TUBG1: variants seen among roughly 807,000 people sequenced by gnomAD.
The protein encoded by TUBG1 is tubulin gamma 1.
In TUBG1, 22 loss-of-function variants were observed where a neutral mutation model predicts 53.3. That is an observed-to-expected ratio of 0.41 (90% CI 0.29 to 0.59). The LOEUF (loss-of-function observed/expected upper bound fraction) is 0.59. Ranked by LOEUF, TUBG1 falls within the 20% of genes least tolerant of loss-of-function variation. TUBG1 has a pLI of 0.26. For synonymous variants in TUBG1, 198 were observed against 236.7 expected (o/e 0.84, Z 1.50); for missense variants, 217 against 598.9 (o/e 0.36, Z 6.66).
chr17:42,614,197 G>A lies in TUBG1; in HGVS notation c.844-63G>A, dbSNP rs939950358. On this transcript the variant is annotated intron_variant, in intron 8 of 10. Coordinates refer to ENST00000251413, the MANE Select transcript of TUBG1 (RefSeq NM_001070.5). The surrounding 1 kb of genome is among the most constrained non-coding windows in gnomAD (Gnocchi z 5.1). Reference sequence around the variant, plus strand: ...CCCTCTGCCTTTGGCTTCTGCCAAAGAGAAGCCAAAGGGGGACTGTGCCCT... The same window carrying A: ...CCCTCTGCCTTTGGCTTCTGCCAAAAAGAAGCCAAAGGGGGACTGTGCCCT... 2 of 1,608,876 alleles carry A rather than the reference G, an allele frequency of 1.2e-6. No homozygotes were observed. Among genetic ancestry groups the A allele is most frequent in the Non-Finnish European group, 1.7e-6 (2 of 1,176,342 alleles).
Position 42,614,149 on chromosome 17 carries a change from C to T in TUBG1, c.844-111C>T. The stretch of plus-strand genomic sequence containing the variant: ...GGACTGGCACAGAGTGGGCGACTTT[C>T]TTGCTGACTTGCTCTCCACCCTCCC... On this transcript the variant is annotated intron_variant, in intron 8 of 10. Coordinates refer to ENST00000251413, the MANE Select transcript of TUBG1 (RefSeq NM_001070.5). This position sits in a 1 kb window ranked among gnomAD's most constrained non-coding sequence, Gnocchi z 5.1. 1 of 1,589,258 alleles carries T rather than the reference C, an allele frequency of 6.3e-7. No individual in the cohort carries two copies. The highest frequency in any genetic ancestry group is 8.6e-7 in the Non-Finnish European group (1 of 1,166,024).
intron 7 of TUBG1, 48 bp from the exon 8 acceptor site, chr17:42,613,801 G>C (rs777155943): frequency 6.2e-7 from 1 of 1,614,124 alleles, no homozygotes; most frequent in South Asian, 1.1e-5. Flanking sequence ...TTGGGGAAGG[G>C]AGGTCCCACC....
rs2052018675 is a variant in TUBG1 at position 42,610,015 on chromosome 17, C to A, written c.50-93C>A. On this transcript the variant is annotated intron_variant, in intron 1 of 10. Transcript: ENST00000251413. ...AGAGTCCTGCGGCTTGACTTCTTAT[C>A]CCTGGACGCAGGCGCCCAGTCCCCC... 4 of 1,463,592 alleles carry A rather than the reference C, an allele frequency of 2.7e-6. No homozygotes were observed. In the African/African-American group the frequency reaches 5.6e-5, roughly 20 times the overall value. 90.7% of individuals were successfully genotyped at this position (1,463,592 alleles called of 1,614,324 possible). A position where few individuals can be genotyped will look rare whatever the true frequency, so the allele number is the denominator to read the frequency against.
intron 4 of TUBG1, 115 bp downstream of exon 4, chr17:42,612,258 G>A (rs2052042154): frequency 7.5e-7 from 1 of 1,324,826 alleles, no homozygotes; most frequent in African/African-American, 1.4e-5. Context: ...CTGGACAGAA[G>A]CTATCAGGCC....
At position 42,613,866 on chromosome 17, in the gene TUBG1, A is replaced by G. The variant is rs572; in HGVS notation, c.711A>G (p.Ser237=). 5.6e-6 allele frequency: 9 copies of G among 1,614,068 alleles called. No homozygotes were observed. The highest frequency in any genetic ancestry group is 3.3e-5 in the South Asian group (3 of 91,088). ...QINQLVSTIM[S]ASTTTLRYPG... is the part of the protein sequence containing the mutation. ...GTCCCCAGGTGTCTACCATCATGTC[A>G]GCCAGCACCACCACCCTGCGCTACC... The change falls in exon 8 of 11, where the codon TCA becomes TCG. Residue 237 remains serine (S), a synonymous_variant. Transcript: ENST00000251413.
In TUBG1 at chr17:42,614,982, G is replaced by A. The variant is rs759525521; in HGVS notation, c.1297G>A (p.Asp433Asn). Reference sequence around the variant, plus strand: ...CAGGGAGATTGTGCAGCAGCTCATCGATGAGTACCATGCGGCCACACGGCC... The same window carrying A: ...CAGGGAGATTGTGCAGCAGCTCATCAATGAGTACCATGCGGCCACACGGCC... Reference protein sequence around the residue: ...TSREIVQQLIDEYHAATRPDY... With the variant: ...TSREIVQQLINEYHAATRPDY... Residue 433 changes from aspartate (D) to asparagine (N), a missense_variant, in exon 11 of 11, where the codon GAT becomes AAT. Asp to Asn is a conservative substitution (Grantham distance 23). Coordinates refer to ENST00000251413, the MANE Select transcript of TUBG1 (RefSeq NM_001070.5). The surrounding 1 kb of genome is among the most constrained non-coding windows in gnomAD (Gnocchi z 5.1). 1.2e-5 allele frequency: 20 copies of A among 1,614,056 alleles called. No homozygotes were observed. The highest frequency in any genetic ancestry group is 2.2e-5 in the East Asian group (1 of 44,886).
In TUBG1 at chr17:42,613,658, C is replaced by T. The variant is rs1200312178; in HGVS notation, c.618C>T (p.Asp206=). The change falls in exon 7 of 11, where the codon GAC becomes GAT. Residue 206 remains aspartate, a synonymous_variant. Transcript: ENST00000251413. ...TTCTGTCCCCCCAGGTGGTGCTGGA[C>T]AACACAGCCCTGAACCGGATTGCCA... The part of the protein sequence containing the change: ...TQNADCVVVL[D]NTALNRIATD... 4 of 1,613,978 alleles carry T rather than the reference C, an allele frequency of 2.5e-6. No homozygotes were observed. The highest frequency in any genetic ancestry group is 1.3e-5 in the African/African-American group (1 of 74,878).
Position 42,614,443 on chromosome 17 carries a change from GACC to G in TUBG1, c.996+32_996+34del. 8 of 1,614,134 alleles carry G rather than the reference GACC, an allele frequency of 5.0e-6. No homozygotes were observed. The highest frequency in any genetic ancestry group is 6.8e-6 in the Non-Finnish European group (8 of 1,180,002). On this transcript the variant is annotated intron_variant, in intron 9 of 10. Coordinates refer to ENST00000251413, the MANE Select transcript of TUBG1 (RefSeq NM_001070.5). The surrounding 1 kb of genome is among the most constrained non-coding windows in gnomAD (Gnocchi z 5.1). ...GGAGGCCCCTTCATCCCACACCCTG[GACC>G]TGCAGGGGTAGAGGAGAGGCCACCT...
chr17:42,614,754 G>T lies in TUBG1; in HGVS notation c.1159-90G>T. On this transcript the variant is annotated intron_variant, in intron 10 of 10. Coordinates refer to ENST00000251413, the MANE Select transcript of TUBG1 (RefSeq NM_001070.5). This position sits in a 1 kb window ranked among gnomAD's most constrained non-coding sequence, Gnocchi z 5.1. ...TGGCCCTGCTTCTAGCTTTTTTGCT[G>T]TGGGCATAGCCCAGCCTTGGTTCCC... is the stretch of plus-strand genomic sequence containing the variant. 1.2e-6 allele frequency: 2 copies of T among 1,603,354 alleles called. No individual in the cohort carries two copies. Among genetic ancestry groups the T allele is most frequent in the Admixed American group, 1.7e-5 (1 of 58,534 alleles).
Position 42,613,069 on chromosome 17 carries a change from G to C in TUBG1, c.602G>C (p.Cys201Ser). ...AAGAGGCTGACGCAGAATGCAGACT[G>C]TGTGGTGAGTCCTGGATTCTACCTC... ...TLKRLTQNAD[C>S]VVVLDNTALN... The change falls in exon 6 of 11, where the codon TGT becomes TCT. Residue 201 changes from cysteine to serine, a missense_variant. By Grantham distance (112) the Cys-to-Ser change is moderately radical. Coordinates refer to ENST00000251413, the MANE Select transcript of TUBG1 (RefSeq NM_001070.5). 1 of 1,613,996 alleles carries C rather than the reference G, an allele frequency of 6.2e-7. No homozygotes were observed. The highest frequency in any genetic ancestry group is 8.5e-7 in the Non-Finnish European group (1 of 1,179,934).
intron 3 of TUBG1, among the ~76,000 whole-genome samples, chr17:42,611,461 T>G (rs1281336029): frequency 2.0e-5 from 3 of 152,176 alleles, no homozygotes; most frequent in Non-Finnish European, 2.9e-5. Context: ...GCCCCAACAC[T>G]GTTAGATAAG....
chr17:42,613,626 G>T lies in TUBG1; in HGVS notation c.607-21G>T, dbSNP rs774734652. The T allele has an allele frequency of 3.7e-6, 6 of 1,614,080 alleles. No homozygotes were observed. The East Asian group carries it at 1.3e-4, about 36-fold the overall frequency. ...GTTTTTCTTATCCCCATTGATCTGT[G>T]ATCCTCTTCTGTCCCCCCAGGTGGT... is the stretch of plus-strand genomic sequence containing the variant. On this transcript the variant is annotated intron_variant, in intron 6 of 10. Coordinates refer to ENST00000251413, the MANE Select transcript of TUBG1 (RefSeq NM_001070.5).
rs763311251 is a variant in TUBG1, at chr17:42,612,906, C to T, written c.480-41C>T. On this transcript the variant is annotated intron_variant, in intron 5 of 10. Coordinates refer to ENST00000251413, the MANE Select transcript of TUBG1 (RefSeq NM_001070.5). ...TTAGGGAGCGCCATGTTCACCAGGC[C>T]TTCGGTCTGTTGCCCTGATCCTTTC... 6.8e-6 allele frequency: 11 copies of T among 1,610,988 alleles called. No homozygotes were observed. The Admixed American group carries it at 1.7e-4, about 25-fold the overall frequency.
Position 42,610,568 on chromosome 17 carries a change from A to G in TUBG1, c.308A>G (p.Asn103Ser). Residue 103 changes from asparagine (N) to serine (S), a missense_variant, in exon 3 of 11, where the codon AAC (asparagine) becomes AGC (serine). Coordinates refer to ENST00000251413, the MANE Select transcript of TUBG1 (RefSeq NM_001070.5). ...GAACATGGAGGAGGAGCTGGCAACA[A>G]CTGGGCCAGCGGATTCTCCCAGGTC... ...LSEHGGGAGN[N>S]WASGFSQGEK... 6.2e-7 allele frequency: 1 copy of G among 1,614,152 alleles called. No individual in the cohort carries two copies.
rs144836734 is a variant in TUBG1 at position 42,611,604 on chromosome 17, C to G, written c.331-471C>G. ...GGCGTGGTGGCTCACGCCTGTAATC[C>G]TAGCACTTTGGGAGGCCAAGGCAGG... On this transcript the variant is annotated intron_variant, in intron 3 of 10. Transcript: ENST00000251413. Among the ~76,000 whole-genome samples, 45 of 152,258 alleles carry G rather than the reference C, an allele frequency of 3.0e-4. 1 individual carries two copies. The East Asian group carries it at 8.7e-3, about 30-fold the overall frequency.
rs2052058660 is a variant in TUBG1 at position 42,614,219 on chromosome 17, C to T, written c.844-41C>T. 2 of 1,613,218 alleles carry T rather than the reference C, an allele frequency of 1.2e-6. No homozygotes were observed. The highest frequency in any genetic ancestry group is 3.3e-5 in the Admixed American group (2 of 59,974). ...AAAGAGAAGCCAAAGGGGGACTGTG[C>T]CCTGAGCGCTGGCCGGGTCCCTGTC... On this transcript the variant is annotated intron_variant, in intron 8 of 10. Coordinates refer to ENST00000251413, the MANE Select transcript of TUBG1 (RefSeq NM_001070.5). The surrounding 1 kb of genome is among the most constrained non-coding windows in gnomAD (Gnocchi z 5.1).
Position 42,612,927 on chromosome 17 carries a change from C to A in TUBG1, c.480-20C>A, listed in dbSNP as rs560788809. On this transcript the variant is annotated intron_variant, in intron 5 of 10. Coordinates refer to ENST00000251413, the MANE Select transcript of TUBG1 (RefSeq NM_001070.5). ...AGGCCTTCGGTCTGTTGCCCTGATC[C>A]TTTCCCCAACCCCCACCAGGTATCC... The A allele has an allele frequency of 6.2e-7, 1 of 1,613,586 alleles. No homozygotes were observed. Among genetic ancestry groups the A allele is most frequent in the African/African-American group, 1.3e-5 (1 of 75,026 alleles).
intron 3 of TUBG1, 73 bp from the exon 4 acceptor site, chr17:42,612,002 G>C: frequency 2.8e-6 from 4 of 1,405,380 alleles, no homozygotes; most frequent in Non-Finnish European, 3.0e-6. Context: ...AAGGAGAATT[G>C]AGGGTGGCTT....
rs373729494 is a variant in TUBG1 at position 42,614,039 on chromosome 17, G to T, written c.843+41G>T. On this transcript the variant is annotated intron_variant, in intron 8 of 10. Transcript: ENST00000251413. This position sits in a 1 kb window ranked among gnomAD's most constrained non-coding sequence, Gnocchi z 5.1. Reference sequence around the variant, plus strand: ...AGTGTCCCAGGCCAGGCCGGCCCTGGGCCCAACAGGCCCTGTCCTAGCCTT... The same window carrying T: ...AGTGTCCCAGGCCAGGCCGGCCCTGTGCCCAACAGGCCCTGTCCTAGCCTT... 1.6e-4 allele frequency: 264 copies of T among 1,613,694 alleles called. 2 individuals carry two copies. The highest frequency in any genetic ancestry group is 1.7e-4 in the Middle Eastern group (1 of 6,056).
Sources: gnomAD v4.1 joint callset for allele counts (sites outside exome capture counted in the v4.1 genomes callset) on GRCh38, gnomAD v4.1.1 for gene constraint, Gnocchi (gnomAD v3.1) non-coding constraint, MANE v1.5 for transcripts, NCBI Gene and HGNC (gene_info 2026-07-23, HGNC 2026-07-21) for gene names.